The following TLN2 variants were observed in gnomAD, a reference collection of about 807,000 sequenced individuals.
The protein encoded by TLN2 is talin 2, also known as talin-2.
In TLN2, 118 loss-of-function variants were observed where a neutral mutation model predicts 294.7. The observed-to-expected ratio is 0.40, with a 90% confidence interval of 0.34 to 0.47. TLN2 has a LOEUF of 0.47. Ranked by LOEUF, TLN2 falls within the 20% of genes least tolerant of loss-of-function variation. The probability of loss-of-function intolerance (pLI) is 0.84; values close to 1 mark genes in which losing one functional copy is unlikely to be tolerated. For missense variants in TLN2, 3,083 were observed against 3,282.2 expected (o/e 0.94, Z 1.48); for synonymous variants, 1,431 against 1,304.5 (o/e 1.10, Z -2.09).
chr15:62,720,241 T>A (rs1309377074), intron 25 of TLN2, among the ~76,000 whole-genome samples: 1 of 152,246 alleles, frequency 6.6e-6, no homozygotes, highest in Non-Finnish European at 1.5e-5. Context: ...AATGCCATTG[T>A]TCATGGACCG....
At chr15:62,445,651 ATT>A (rs113621851) in intron 1 of TLN2, among the ~76,000 whole-genome samples, 1 of 147,476 alleles carries the variant, frequency 6.8e-6, no homozygotes, top group Admixed American at 6.8e-5. Flanking sequence ...TCAGTATTAG[ATT>A]TTTTTTTTTT....
intron 1 of TLN2, among the ~76,000 whole-genome samples, chr15:62,461,114 A>G (rs2036777730): frequency 6.6e-6 from 1 of 151,904 alleles, no homozygotes; most frequent in African/African-American, 2.4e-5. Flanking sequence ...ATGCCCGGCT[A>G]ATTTTTGTAT....
chr15:62,529,775 T>C (rs1299720234), intron 1 of TLN2, among the ~76,000 whole-genome samples: 2 of 152,226 alleles, frequency 1.3e-5, no homozygotes, highest in Non-Finnish European at 2.9e-5. Flanking sequence ...TGCACATAAG[T>C]AAATATAGGA....
chr15:62,543,686 C>T (rs1031212447), intron 1 of TLN2, among the ~76,000 whole-genome samples: 2 of 146,762 alleles, frequency 1.4e-5, no homozygotes, highest in African/African-American at 5.1e-5. Context: ...ACCCAGGAGG[C>T]GGAGGTTGCA....
At chr15:62,702,904 A>C (rs760876918) in intron 19 of TLN2, 40 bp downstream of exon 19, 1 of 1,582,368 alleles carries the variant, frequency 6.3e-7, no homozygotes, top group East Asian at 2.2e-5. Context: ...AAAGAAGTCT[A>C]AGTGATGGTC....
chr15:62,792,558 A>G, intron 45 of TLN2, 83 bp from the exon 46 acceptor site: 2 of 1,541,560 alleles, frequency 1.3e-6, no homozygotes, highest in Non-Finnish European at 1.8e-6. Context: ...CATAGGACAT[A>G]GGAGAAATTT....
At chr15:62,589,021 G>A (rs1311457077) in intron 1 of TLN2, among the ~76,000 whole-genome samples, 1 of 151,950 alleles carries the variant, frequency 6.6e-6, no homozygotes, top group East Asian at 1.9e-4. Context: ...AGATTTGATT[G>A]CACGTACTTG....
chr15:62,486,111 TTTCTC>T (rs1360674011), intron 1 of TLN2, among the ~76,000 whole-genome samples: 5 of 152,228 alleles, frequency 3.3e-5, no homozygotes, highest in Non-Finnish European at 4.4e-5. Flanking sequence ...TACATACTGT[TTTCTC>T]TGACCCATTT....
At chr15:62,411,851 AAAATG>A (rs1485053634) in intron 1 of TLN2, among the ~76,000 whole-genome samples, 1 of 152,240 alleles carries the variant, frequency 6.6e-6, no homozygotes, top group African/African-American at 2.4e-5. Flanking sequence ...ACTAAAGAGA[AAAATG>A]GAAAGGAGAC....
At chr15:62,710,485 G>T (rs1555483625) in intron 21 of TLN2, among the ~76,000 whole-genome samples, 1 of 152,080 alleles carries the variant, frequency 6.6e-6, no homozygotes, top group Non-Finnish European at 1.5e-5. Context: ...TGAATTTGTT[G>T]TTGTTTGTTT....
At chr15:62,820,388 G>C (rs555169575) in intron 53 of TLN2, 98 bp from the exon 54 acceptor site, 7 of 1,426,668 alleles carry the variant, frequency 4.9e-6, no homozygotes, top group Non-Finnish European at 6.6e-6. Flanking sequence ...CAGGCTCCTG[G>C]AGCCTTCATG....
chr15:62,780,375 T>C (rs911537107), intron 43 of TLN2, among the ~76,000 whole-genome samples: 5 of 152,328 alleles, frequency 3.3e-5, no homozygotes, highest in East Asian at 3.9e-4. Context: ...AGGTGTAGTG[T>C]TGATTTTTAC....
rs368879624 is a variant in TLN2 at position 62,797,276 on chromosome 15, A to T, written c.6108A>T (p.Ser2036=). The T allele has an allele frequency of 1.2e-6, 2 of 1,613,970 alleles. No individual in the cohort carries two copies. Among genetic ancestry groups the T allele is most frequent in the East Asian group, 2.2e-5 (1 of 44,864 alleles). Residue 2036 remains serine, a synonymous_variant, in exon 48 of 59, where the codon TCA becomes TCT. Coordinates refer to ENST00000636159, the MANE Select transcript of TLN2 (RefSeq NM_015059.3). ...TAGAAGACACGAAACTACTTGTGTC[A>T]GGAGCTGCGTCCACTCCTGACAAGC... ...ALVEDTKLLV[S]GAASTPDKLA... is the part of the protein sequence containing the mutation.
chr15:62,748,316 TC>T lies in TLN2; in HGVS notation c.4026-34del, dbSNP rs770416931. ...TTGTAGGGGAAATTACTGTTGATCT[TC>T]AAAAAAAAAAAAAAAATTCTGTTTC... On this transcript the variant is annotated intron_variant, in intron 32 of 58. Transcript: ENST00000636159. 3.2e-5 allele frequency: 41 copies of T among 1,298,702 alleles called. No individual in the cohort carries two copies. The African/African-American group carries it at 4.9e-4, about 16-fold the overall frequency. The allele number at this position is 1,298,702 out of a possible 1,614,324, so 80.4% of individuals were successfully genotyped here.
chr15:62,666,503 A>G (rs2054666048), intron 9 of TLN2, among the ~76,000 whole-genome samples: 2 of 152,206 alleles, frequency 1.3e-5, no homozygotes, highest in South Asian at 4.1e-4. Context: ...CCCAGCCTCC[A>G]GAACTGTGCA....
At chr15:62,620,696 G>C (rs961194352) in intron 3 of TLN2, among the ~76,000 whole-genome samples, 1 of 151,368 alleles carries the variant, frequency 6.6e-6, no homozygotes, top group Admixed American at 6.6e-5. Context: ...TGCCCAGGTT[G>C]GTCTCAAACT....
At chr15:62,581,038 C>T (rs1303104504) in intron 1 of TLN2, among the ~76,000 whole-genome samples, 1 of 152,052 alleles carries the variant, frequency 6.6e-6, no homozygotes. Flanking sequence ...CGCCCACCAC[C>T]ATGCCCGGCT....
intron 9 of TLN2, among the ~76,000 whole-genome samples, chr15:62,662,538 T>C (rs1213950378): frequency 6.6e-6 from 1 of 152,182 alleles, no homozygotes; most frequent in Non-Finnish European, 1.5e-5. Context: ...CGTGTGTAAG[T>C]GCAAATTATA....
At chr15:62,605,727 A>G (rs2047378768) in intron 2 of TLN2, among the ~76,000 whole-genome samples, 1 of 152,144 alleles carries the variant, frequency 6.6e-6, no homozygotes, top group Non-Finnish European at 1.5e-5. Flanking sequence ...CACCAGAGTC[A>G]CCTATAAGCC....
Sources: allele counts gnomAD v4.1 joint callset (sites outside exome capture counted in the v4.1 genomes callset), GRCh38; gene constraint gnomAD v4.1.1; transcripts MANE v1.5; gene names NCBI Gene and HGNC (gene_info 2026-07-23, HGNC 2026-07-21).